Variants in ZNF529 observed in about 807,000 individuals in gnomAD.
ZNF529 encodes the protein zinc finger protein 529.
A neutral mutation model predicts 10.1 loss-of-function variants in ZNF529; 11 were observed. The ratio of observed to expected loss-of-function variants is 1.09; its 90% CI spans 0.69 to 1.81. ZNF529 has a LOEUF of 1.81. Ranked by LOEUF, ZNF529 falls within the 40% of genes most tolerant of loss-of-function variation. The pLI is 0.00. For synonymous variants in ZNF529, 204 were observed against 215.7 expected, an observed-to-expected ratio of 0.95 and a Z score of 0.47; for missense variants, 624 against 666.8, an observed-to-expected ratio of 0.94 and a Z score of 0.71.
intron 1 of ZNF529, among the ~76,000 whole-genome samples, chr19:36,572,672 T>TA (rs1191188811): frequency 6.6e-6 from 1 of 152,186 alleles, no homozygotes; most frequent in Admixed American, 6.5e-5. Context: ...ATACTACACC[T>TA]ATGCCCTCCC....
At position 36,545,257 on chromosome 19, in the gene ZNF529, G is replaced by T. The variant is rs1451165006; in HGVS notation, c.*1609C>A. The stretch of plus-strand genomic sequence containing the variant: ...AAATCCAATAACCAGGCTGGGTGCG[G>T]TGGCTCATGCCTGTAATCCCAGCAC... On this transcript the variant is annotated 3_prime_UTR_variant, in exon 5 of 5. Coordinates refer to ENST00000591340, the MANE Select transcript of ZNF529 (RefSeq NM_020951.5). 2 of 152,448 alleles carry T rather than the reference G, an allele frequency of 1.3e-5. No individual in the cohort carries two copies. The highest frequency in any genetic ancestry group is 4.8e-5 in the African/African-American group (2 of 41,428). 9.4% of individuals were successfully genotyped at this position (152,448 alleles called of 1,614,324 possible).
intron 2 of ZNF529, among the ~76,000 whole-genome samples, chr19:36,559,534 C>T (rs2035601442): frequency 8.5e-5 from 13 of 152,224 alleles, no homozygotes; most frequent in Admixed American, 8.5e-4. Context: ...GTCTCAAACT[C>T]CTGAGCTCGT....
chr19:36,554,913 A>T (rs2035407759), intron 3 of ZNF529, 117 bp from the exon 4 acceptor site: 1 of 843,160 alleles, frequency 1.2e-6, no homozygotes, highest in Non-Finnish European at 1.6e-6. Context: ...GGCCAAAAGA[A>T]GACTGTGACA....
At chr19:36,580,443 CCA>C (rs901172286) in intron 2 of ZNF529, 1 of 152,172 alleles carries the variant, frequency 6.6e-6, no homozygotes, top group Admixed American at 6.5e-5. Context: ...AGCAGCGTCA[CCA>C]CAAACACCTG....
At position 36,544,478 on chromosome 19, in the gene ZNF529, A is replaced by C. The variant is rs986066698; in HGVS notation, c.*2388T>G. 1 of 152,216 alleles carries C rather than the reference A, an allele frequency of 6.6e-6. No homozygotes were observed. The highest frequency in any genetic ancestry group is 2.4e-5 in the African/African-American group (1 of 41,454). The allele number at this position is 152,216 out of a possible 1,614,324, so 9.4% of individuals were successfully genotyped here. A position where few individuals can be genotyped will look rare whatever the true frequency, so the allele number is the denominator to read the frequency against. ...AAGCTGGAAGGAAAAAAACACACAC[A>C]AAGAAATATAGGACAAGTTCTCCTG... On this transcript the variant is annotated 3_prime_UTR_variant, in exon 5 of 5. Transcript: ENST00000591340.
chr19:36,575,049 G>A, upstream of ZNF529: 1 of 397,988 alleles, frequency 2.5e-6, no homozygotes, highest in East Asian at 7.1e-5. Flanking sequence ...GGCTCAACAG[G>A]GTTGTGAATG....
intron 2 of ZNF529, among the ~76,000 whole-genome samples, chr19:36,587,906 T>C (rs1247240642): frequency 6.6e-6 from 1 of 152,120 alleles, no homozygotes; most frequent in East Asian, 1.9e-4. Context: ...CGGAGATACA[T>C]ACGATCTAAA....
intron 2 of ZNF529, among the ~76,000 whole-genome samples, chr19:36,579,341 G>A (rs3096620): frequency 0.69 from 105,468 of 152,160 alleles, 36,981 homozygotes; most frequent in African/African-American, 0.79. Flanking sequence ...CCTCAAAACA[G>A]TGTATATGGC....
intron 2 of ZNF529, among the ~76,000 whole-genome samples, chr19:36,587,958 G>A (rs960955016): frequency 2.6e-5 from 4 of 152,082 alleles, no homozygotes; most frequent in East Asian, 1.9e-4. Flanking sequence ...GACCAGACTC[G>A]CCAACATGGT....
At chr19:36,592,122 G>C (rs1405531297) in intron 1 of ZNF529, among the ~76,000 whole-genome samples, 1 of 137,636 alleles carries the variant, frequency 7.3e-6, no homozygotes, top group Non-Finnish European at 1.6e-5. Flanking sequence ...TAAAAATACA[G>C]AAAAAAAAAA....
In ZNF529 at chr19:36,572,492, C is replaced by A. The variant is rs1035536358; in HGVS notation, c.-46-100G>T. The A allele has an allele frequency of 9.0e-6, 8 of 887,540 alleles. No homozygotes were observed. In the Middle Eastern group the frequency reaches 6.6e-4, roughly 74 times the overall value. The allele number at this position is 887,540 out of a possible 1,614,324, so 55.0% of individuals were successfully genotyped here. ...AAAAGCCCATCACACACAACAAACA[C>A]ACCCAGATCGAAGAGGGAAACTAGA... On this transcript the variant is annotated intron_variant, in intron 1 of 4. Transcript: ENST00000591340.
chr19:36,571,324 T>C (rs1211855743), intron 2 of ZNF529, among the ~76,000 whole-genome samples: 7 of 152,238 alleles, frequency 4.6e-5, no homozygotes, highest in Non-Finnish European at 8.8e-5. Flanking sequence ...TTTGGATATA[T>C]TGGTTTAAAT....
At chr19:36,590,662 G>A (rs1463850589) in intron 1 of ZNF529, among the ~76,000 whole-genome samples, 1 of 152,176 alleles carries the variant, frequency 6.6e-6, no homozygotes, top group Non-Finnish European at 1.5e-5. Context: ...GGGCATGACG[G>A]CTCATGCCTG....
chr19:36,546,975 T>C lies in ZNF529; in HGVS notation c.1583A>G (p.His528Arg), dbSNP rs2035048614. Reference protein sequence around the residue: ...SSSFTKHQRIHTDDKPYECKE... With the variant: ...SSSFTKHQRIRTDDKPYECKE... Reference sequence around the variant, plus strand: ...ACATTCATAGGGTTTATCATCAGTATGAATGCGCTGATGTTTGGTAAAGGA... The same window carrying C: ...ACATTCATAGGGTTTATCATCAGTACGAATGCGCTGATGTTTGGTAAAGGA... The change falls in exon 5 of 5, where the codon CAT (histidine) becomes CGT (arginine). Residue 528 changes from histidine (H) to arginine (R), a missense_variant. Physicochemically the swap from His to Arg is conservative, Grantham distance 29 (BLOSUM62 0). Transcript: ENST00000591340. 1 of 1,613,900 alleles carries C rather than the reference T, an allele frequency of 6.2e-7. No individual in the cohort carries two copies. The highest frequency in any genetic ancestry group is 1.3e-5 in the African/African-American group (1 of 74,934).
chr19:36,591,713 A>C (rs1022143769), intron 1 of ZNF529, among the ~76,000 whole-genome samples: 2 of 137,482 alleles, frequency 1.5e-5, no homozygotes, highest in African/African-American at 5.7e-5. Flanking sequence ...CGACAGAGCG[A>C]AACTCCATCT....
chr19:36,602,799 G>A lies in ZNF529; in HGVS notation c.-128+2327C>T, dbSNP rs200868714. ...TACAAAACTAGCCAGGCATGGTGGCGCATGCCTGTAATCCCAGCTACTCGG... is the reference window on the plus strand; with the variant it reads ...TACAAAACTAGCCAGGCATGGTGGCACATGCCTGTAATCCCAGCTACTCGG... On this transcript the variant is annotated intron_variant, in intron 1 of 4. Coordinates refer to the ZNF529 transcript ENST00000585960. Among the ~76,000 whole-genome samples the A allele has an allele frequency of 3.3e-5, 5 of 151,994 alleles. No individual in the cohort carries two copies. The East Asian group carries it at 9.7e-4, about 29-fold the overall frequency.
chr19:36,576,333 G>A (rs1475535791), upstream of ZNF529, among the ~76,000 whole-genome samples: 1 of 152,170 alleles, frequency 6.6e-6, no homozygotes, highest in African/African-American at 2.4e-5. Context: ...ACTTCCATGA[G>A]ACAGGATTCT....
upstream of ZNF529, among the ~76,000 whole-genome samples, chr19:36,576,749 C>T (rs1281825185): frequency 6.7e-6 from 1 of 148,986 alleles, no homozygotes; most frequent in East Asian, 2.0e-4. Context: ...TAATAATTGG[C>T]TATATCACTC....
At chr19:36,554,871 T>A (rs2035406125) in intron 3 of ZNF529, 75 bp from the exon 4 acceptor site, 1 of 1,362,308 alleles carries the variant, frequency 7.3e-7, no homozygotes. Flanking sequence ...AGGAATTGCC[T>A]TATAGCAAGG....
Sources: allele counts gnomAD v4.1 joint callset (sites outside exome capture counted in the v4.1 genomes callset), GRCh38; gene constraint gnomAD v4.1.1; transcripts MANE v1.5; gene names NCBI Gene and HGNC (gene_info 2026-07-23, HGNC 2026-07-21).